The following GALNTL6 variants were observed in gnomAD, a reference collection of about 807,000 sequenced individuals.
The protein encoded by GALNTL6 is polypeptide N-acetylgalactosaminyltransferase like 6.
A neutral mutation model predicts 73.7 loss-of-function variants in GALNTL6; 46 were observed. The observed-to-expected ratio is 0.62, with a 90% CI of 0.49 to 0.80. The LOEUF (loss-of-function observed/expected upper bound fraction) is 0.80. GALNTL6 is among the 30% of genes least tolerant of loss of function. GALNTL6 has a pLI of 0.00. For synonymous variants in GALNTL6, 259 were observed against 263.7 expected (o/e 0.98, Z 0.17); for missense variants, 604 against 755.0 (o/e 0.80, Z 2.34).
chr4:172,375,874 G>A (rs536284438), intron 5 of GALNTL6, among the ~76,000 whole-genome samples: 23 of 152,240 alleles, frequency 1.5e-4, no homozygotes, highest in African/African-American at 3.1e-4. Flanking sequence ...GACTTTACCC[G>A]TGTCCTATAA....
intron 5 of GALNTL6, among the ~76,000 whole-genome samples, chr4:172,545,493 C>T (rs148407150): frequency 2.0e-3 from 301 of 152,274 alleles, no homozygotes; most frequent in African/African-American, 6.9e-3. Flanking sequence ...CTGTTGCATC[C>T]CAGAATCCTT....
chr4:172,733,534 C>T (rs1736274958), intron 5 of GALNTL6, among the ~76,000 whole-genome samples: 1 of 152,092 alleles, frequency 6.6e-6, no homozygotes, highest in African/African-American at 2.4e-5. Flanking sequence ...CTCCCATAAT[C>T]CCTATGTATG....
chr4:171,900,045 A>G (rs1350676711), intron 2 of GALNTL6, among the ~76,000 whole-genome samples: 1 of 152,142 alleles, frequency 6.6e-6, no homozygotes, highest in Non-Finnish European at 1.5e-5. Flanking sequence ...GATCTTATTA[A>G]ACTAAATGAG....
chr4:172,034,806 T>C (rs961303940), intron 2 of GALNTL6, among the ~76,000 whole-genome samples: 1 of 152,118 alleles, frequency 6.6e-6, no homozygotes, highest in East Asian at 1.9e-4. Flanking sequence ...TACATTGCCT[T>C]AGGTATCTTT....
chr4:172,628,125 A>G (rs1311154179), intron 5 of GALNTL6, among the ~76,000 whole-genome samples: 1 of 152,032 alleles, frequency 6.6e-6, no homozygotes, highest in East Asian at 1.9e-4. Context: ...ATCACTCTAT[A>G]TATTTCTTAT....
At chr4:171,837,430 A>G (rs1735121151) in intron 2 of GALNTL6, among the ~76,000 whole-genome samples, 1 of 151,798 alleles carries the variant, frequency 6.6e-6, no homozygotes, top group Non-Finnish European at 1.5e-5. Flanking sequence ...GGTGACAGTA[A>G]TGAATTGGTG....
At chr4:172,163,032 C>G (rs1038680107) in intron 2 of GALNTL6, among the ~76,000 whole-genome samples, 2 of 152,068 alleles carry the variant, frequency 1.3e-5, no homozygotes, top group African/African-American at 4.8e-5. Context: ...AGATAAATCA[C>G]TTCTAGTGAA....
chr4:171,917,032 C>T (rs1737651832), intron 2 of GALNTL6, among the ~76,000 whole-genome samples: 1 of 152,052 alleles, frequency 6.6e-6, no homozygotes, highest in African/African-American at 2.4e-5. Flanking sequence ...AGAATTTCTA[C>T]CCCGTGTATC....
chr4:172,673,796 T>C (rs1732126793), intron 5 of GALNTL6, among the ~76,000 whole-genome samples: 1 of 152,224 alleles, frequency 6.6e-6, no homozygotes, highest in Non-Finnish European at 1.5e-5. Flanking sequence ...TTGAAACCCA[T>C]GTTTTTTCTG....
At chr4:172,057,739 T>A (rs1369704146) in intron 2 of GALNTL6, among the ~76,000 whole-genome samples, 8 of 138,740 alleles carry the variant, frequency 5.8e-5, no homozygotes, top group African/African-American at 1.9e-4. Flanking sequence ...TATATATATA[T>A]ATATATATAT....
chr4:172,706,544 G>A lies in GALNTL6; in HGVS notation c.554-102817G>A, dbSNP rs140039952. Among the ~76,000 whole-genome samples, 261 of 152,112 alleles carry A rather than the reference G, an allele frequency of 1.7e-3. 1 individual carries two copies. The highest frequency in any genetic ancestry group is 6.1e-3 in the African/African-American group (255 of 41,512). On this transcript the variant is annotated intron_variant, in intron 5 of 12. Coordinates refer to ENST00000506823, the MANE Select transcript of GALNTL6 (RefSeq NM_001034845.3). ...TATGTCTATGTCTTTGCACTTAAGG[G>A]AGAATTATTTATTCTAGTCTTTGCT...
chr4:172,063,202 CA>C (rs1365584604), intron 2 of GALNTL6, among the ~76,000 whole-genome samples: 1 of 152,182 alleles, frequency 6.6e-6, no homozygotes, highest in Non-Finnish European at 1.5e-5. Flanking sequence ...CTAGGGTAAA[CA>C]CAAGCACTTT....
chr4:172,527,683 G>A (rs544124496), intron 5 of GALNTL6, among the ~76,000 whole-genome samples: 1 of 152,236 alleles, frequency 6.6e-6, no homozygotes, highest in South Asian at 2.1e-4. Context: ...GGACACATAA[G>A]ATCAATGCAC....
At chr4:172,483,242 G>A (rs1015252544) in intron 5 of GALNTL6, among the ~76,000 whole-genome samples, 3 of 152,140 alleles carry the variant, frequency 2.0e-5, no homozygotes, top group Non-Finnish European at 4.4e-5. Context: ...CAGAGGTCAG[G>A]GGAGGGGATA....
intron 10 of GALNTL6, among the ~76,000 whole-genome samples, chr4:172,977,273 C>T (rs573781221): frequency 2.0e-5 from 3 of 152,318 alleles, no homozygotes; most frequent in Admixed American, 6.5e-5. Context: ...TATGGACAGC[C>T]CTTCCATTGA....
intron 7 of GALNTL6, among the ~76,000 whole-genome samples, chr4:172,854,637 C>G (rs1425007509): frequency 6.6e-6 from 1 of 152,158 alleles, no homozygotes; most frequent in Non-Finnish European, 1.5e-5. Context: ...TTTCCCCATT[C>G]TATATCCAAT....
At chr4:172,146,670 A>G (rs1733935654) in intron 2 of GALNTL6, among the ~76,000 whole-genome samples, 1 of 152,188 alleles carries the variant, frequency 6.6e-6, no homozygotes, top group Non-Finnish European at 1.5e-5. Flanking sequence ...GGTATGGTTT[A>G]TTATGCTTTG....
At chr4:171,870,486 T>G (rs1736107950) in intron 2 of GALNTL6, among the ~76,000 whole-genome samples, 1 of 152,166 alleles carries the variant, frequency 6.6e-6, no homozygotes, top group South Asian at 2.1e-4. Context: ...GCGCTTTACC[T>G]CTCACAACTA....
At chr4:171,860,379 T>G (rs962068640) in intron 2 of GALNTL6, among the ~76,000 whole-genome samples, 1 of 152,164 alleles carries the variant, frequency 6.6e-6, no homozygotes, top group South Asian at 2.1e-4. Context: ...TCATAGTCTA[T>G]AGGAGAAATA....
Sources: gnomAD v4.1 joint callset for allele counts (sites outside exome capture counted in the v4.1 genomes callset) on GRCh38, gnomAD v4.1.1 for gene constraint, MANE v1.5 for transcripts, NCBI Gene and HGNC (gene_info 2026-07-23, HGNC 2026-07-21) for gene names.